The following NGEF variants were observed in gnomAD, a reference collection of about 807,000 sequenced individuals.
NGEF encodes neuronal guanine nucleotide exchange factor, also known as ephexin-1.
In NGEF, 31 loss-of-function variants were observed where a neutral mutation model predicts 80.9. The observed-to-expected ratio is 0.38, with a 90% CI of 0.29 to 0.52. NGEF has a LOEUF of 0.52. NGEF is among the 20% of genes least tolerant of loss of function. The pLI is 0.84. For synonymous variants in NGEF, 371 were observed against 370.2 expected, an observed-to-expected ratio of 1.00 and a Z score of -0.03; for missense variants, 709 against 926.2, an observed-to-expected ratio of 0.77 and a Z score of 3.04.
At chr2:232,952,172 C>T (rs989367205) in intron 3 of NGEF, among the ~76,000 whole-genome samples, 4 of 152,160 alleles carry the variant, frequency 2.6e-5, no homozygotes, top group Non-Finnish European at 4.4e-5. Context: ...GTGACTCAGG[C>T]GGATCTTCAG....
intron 5 of NGEF, among the ~76,000 whole-genome samples, chr2:232,900,645 C>T (rs924217266): frequency 3.4e-5 from 5 of 146,812 alleles, no homozygotes; most frequent in Non-Finnish European, 6.0e-5. Flanking sequence ...CTCATATACA[C>T]GTTCACTCAC....
At chr2:232,905,766 ATG>A (rs1692494060) in intron 5 of NGEF, 1 of 370,562 alleles carries the variant, frequency 2.7e-6, no homozygotes, top group African/African-American at 2.3e-5. Context: ...CCTGTCTGGG[ATG>A]TGAGGAGACC....
intron 5 of NGEF, among the ~76,000 whole-genome samples, chr2:232,896,051 T>TACTCCTAG (rs3038710): frequency 6.6e-6 from 1 of 151,162 alleles, no homozygotes; most frequent in African/African-American, 2.4e-5. Flanking sequence ...CACCCTCTGA[T>TACTCCTAG]ACTTAGGGCG....
chr2:232,987,039 C>T lies in NGEF; in HGVS notation c.-74-12075G>A, dbSNP rs145337385. The stretch of plus-strand genomic sequence containing the variant: ...ACTCTTTCTTTCTTTTTTTTTGAGA[C>T]AGAGTCTCACTCTGTTGCCCAGGCT... On this transcript the variant is annotated intron_variant, in intron 1 of 14. Transcript: ENST00000264051. Among the ~76,000 whole-genome samples the T allele has an allele frequency of 4.6e-5, 7 of 151,776 alleles. No homozygotes were observed. The East Asian group carries it at 1.4e-3, about 29-fold the overall frequency.
chr2:232,945,872 C>A (rs1693546519), intron 3 of NGEF, among the ~76,000 whole-genome samples: 1 of 150,924 alleles, frequency 6.6e-6, no homozygotes, highest in Non-Finnish European at 1.5e-5. Flanking sequence ...ATGTTGAGGA[C>A]CTGGTTCTCA....
At chr2:232,883,586 C>A in intron 11 of NGEF, 120 bp from the exon 12 acceptor site, 1 of 1,023,070 alleles carries the variant, frequency 9.8e-7, no homozygotes. Context: ...TCTTCACCTC[C>A]TTCTGAAGCT....
chr2:233,003,648 C>T (rs1382013566), intron 1 of NGEF, among the ~76,000 whole-genome samples: 1 of 152,178 alleles, frequency 6.6e-6, no homozygotes, highest in African/African-American at 2.4e-5. Context: ...CGGCTCCTTT[C>T]TCTTCTAGCA....
intron 3 of NGEF, among the ~76,000 whole-genome samples, chr2:232,935,813 G>C (rs1693315194): frequency 6.7e-6 from 1 of 149,350 alleles, no homozygotes; most frequent in Non-Finnish European, 1.5e-5. Flanking sequence ...ATATTTAGTA[G>C]GAAAATGCAT....
At chr2:232,976,147 G>A (rs1191067575) in intron 1 of NGEF, among the ~76,000 whole-genome samples, 1 of 152,168 alleles carries the variant, frequency 6.6e-6, no homozygotes, top group Admixed American at 6.5e-5. Context: ...GTTGCCATAA[G>A]CAGAGATCTT....
At chr2:232,943,535 G>T (rs560433751) in intron 3 of NGEF, among the ~76,000 whole-genome samples, 37 of 134,564 alleles carry the variant, frequency 2.7e-4, no homozygotes, top group East Asian at 1.8e-3. Context: ...TCACTCTGTC[G>T]CCCAGGCTGG....
At chr2:232,954,579 G>A (rs933645915) in intron 3 of NGEF, among the ~76,000 whole-genome samples, 4 of 152,032 alleles carry the variant, frequency 2.6e-5, no homozygotes, top group African/African-American at 9.7e-5. Flanking sequence ...CAAAAAATTA[G>A]CCAGGCGTGG....
chr2:232,885,546 G>C, intron 9 of NGEF, 177 bp from the exon 10 acceptor site: 1 of 596,734 alleles, frequency 1.7e-6, no homozygotes, highest in Non-Finnish European at 3.0e-6. Flanking sequence ...AGCACCTTGT[G>C]GGGCAAAGGC....
At chr2:232,945,973 A>G (rs959500318) in intron 3 of NGEF, among the ~76,000 whole-genome samples, 1 of 151,878 alleles carries the variant, frequency 6.6e-6, no homozygotes, top group Non-Finnish European at 1.5e-5. Flanking sequence ...TCAAATGCCC[A>G]TCAATCAACT....
Position 232,879,433 on chromosome 2 carries a change from CACCTTCTGTCGGGGTCTCATGCAGG to C in NGEF, c.*31_*55del. 7.0e-7 allele frequency: 1 copy of C among 1,418,592 alleles called. No homozygotes were observed. Among genetic ancestry groups the C allele is most frequent in the Non-Finnish European group, 9.6e-7 (1 of 1,046,128 alleles). The allele number at this position is 1,418,592 out of a possible 1,614,324, so 87.9% of individuals were successfully genotyped here. On this transcript the variant is annotated 3_prime_UTR_variant, in exon 15 of 15. Coordinates refer to ENST00000264051, the MANE Select transcript of NGEF (RefSeq NM_019850.3). The stretch of plus-strand genomic sequence containing the variant: ...GTGCTTCCCAGAGCCCCCCCCCCCC[CACCTTCTGTCGGGGTCTCATGCAGG>C]CCCTGCTCCCGCTGGCCCCCTGGGT...
At position 232,900,611 on chromosome 2, in the gene NGEF, CAT is replaced by C. The variant is rs1491425123; in HGVS notation, c.829-5697_829-5696del. Among the ~76,000 whole-genome samples the C allele has an allele frequency of 3.2e-4, 22 of 68,772 alleles. 5 individuals are homozygous for C. Among genetic ancestry groups the C allele is most frequent in the Non-Finnish European group, 6.6e-4 (21 of 31,870 alleles). 45.1% of individuals were successfully genotyped at this position (68,772 alleles called of 152,430 possible). A position where few individuals can be genotyped will look rare whatever the true frequency, so the allele number is the denominator to read the frequency against. ...AGTCACTCATATACACGTTCACTCACATACACACACGCTCTCACAGTCACTCA... is the reference window on the plus strand; with the variant it reads ...AGTCACTCATATACACGTTCACTCACACACACACGCTCTCACAGTCACTCA... On this transcript the variant is annotated intron_variant, in intron 5 of 14. Transcript: ENST00000264051.
chr2:232,982,456 C>T (rs1248838753), intron 1 of NGEF, among the ~76,000 whole-genome samples: 1 of 152,190 alleles, frequency 6.6e-6, no homozygotes, highest in Non-Finnish European at 1.5e-5. Flanking sequence ...TTTCCACATT[C>T]CTTCCTGGTC....
intron 1 of NGEF, among the ~76,000 whole-genome samples, chr2:232,982,252 G>A (rs1389334210): frequency 6.6e-6 from 1 of 152,190 alleles, no homozygotes; most frequent in East Asian, 1.9e-4. Flanking sequence ...ATTGTGGGGT[G>A]TGTTAGGGTC....
At chr2:232,950,550 G>A (rs1018721697) in intron 3 of NGEF, among the ~76,000 whole-genome samples, 2 of 152,066 alleles carry the variant, frequency 1.3e-5, no homozygotes, top group Admixed American at 6.6e-5. Context: ...GGGGCAGAGA[G>A]GAGCCTCCCA....
At position 232,892,769 on chromosome 2, in the gene NGEF, C is replaced by G. The variant is rs902394280; in HGVS notation, c.1142+129G>C. 1 of 1,033,446 alleles carries G rather than the reference C, an allele frequency of 9.7e-7. No homozygotes were observed. Among genetic ancestry groups the G allele is most frequent in the Non-Finnish European group, 1.4e-6 (1 of 698,870 alleles). 64.0% of individuals were successfully genotyped at this position (1,033,446 alleles called of 1,614,324 possible). On this transcript the variant is annotated intron_variant, in intron 7 of 14. Transcript: ENST00000264051. This position sits in a 1 kb window ranked among gnomAD's most constrained non-coding sequence, Gnocchi z 4.0. ...GTATCCCTGGCCAACTCCGGTGGCT[C>G]ATGTGGACCTTGGGAACGCAGAGGT...
Sources: allele counts gnomAD v4.1 joint callset (sites outside exome capture counted in the v4.1 genomes callset), GRCh38; gene constraint gnomAD v4.1.1; non-coding constraint Gnocchi (gnomAD v3.1); transcripts MANE v1.5; gene names NCBI Gene and HGNC (gene_info 2026-07-23, HGNC 2026-07-21).